Variants in IL21R observed in about 807,000 individuals in gnomAD.
IL21R encodes the protein interleukin-21 receptor.
IL21R carries 14 observed loss-of-function variants against 41.3 expected under a neutral mutation model. The ratio of observed to expected loss-of-function variants is 0.34; its 90% confidence interval spans 0.22 to 0.53. The LOEUF is 0.53. Among genes scored for constraint, IL21R ranks in the 20% least tolerant of loss-of-function variants. The probability of loss-of-function intolerance (pLI) is 0.94; values close to 1 mark genes in which losing one functional copy is unlikely to be tolerated. For synonymous variants in IL21R, 286 were observed against 287.6 expected, an observed-to-expected ratio of 0.99 and a Z score of 0.05; for missense variants, 588 against 681.6, an observed-to-expected ratio of 0.86 and a Z score of 1.53.
chr16:27,431,164 C>A (rs1596583053), intron 2 of IL21R, among the ~76,000 whole-genome samples: 1 of 152,210 alleles, frequency 6.6e-6, no homozygotes, highest in African/African-American at 2.4e-5. Context: ...GGGCATTTTT[C>A]TCTGGTTTTT....
At chr16:27,436,520 G>A (rs1567367678) in intron 3 of IL21R, among the ~76,000 whole-genome samples, 1 of 152,216 alleles carries the variant, frequency 6.6e-6, no homozygotes, top group African/African-American at 2.4e-5. Flanking sequence ...AAATTTGGCA[G>A]AGAACTCAGT....
At chr16:27,441,897 G>A (rs2087394180) in intron 4 of IL21R, among the ~76,000 whole-genome samples, 1 of 152,174 alleles carries the variant, frequency 6.6e-6, no homozygotes, top group Non-Finnish European at 1.5e-5. Context: ...TGTAGTCTCA[G>A]CTACTTGGGA....
chr16:27,447,476 ATTCC>A, intron 8 of IL21R, among the ~76,000 whole-genome samples: 1 of 152,140 alleles, frequency 6.6e-6, no homozygotes, highest in Non-Finnish European at 1.5e-5. Flanking sequence ...GGAGATACCC[ATTCC>A]TGGGGATTTT....
intron 1 of IL21R, among the ~76,000 whole-genome samples, chr16:27,412,925 A>G (rs1329327719): frequency 1.3e-5 from 2 of 152,128 alleles, no homozygotes; most frequent in African/African-American, 4.8e-5. Flanking sequence ...AACAGAGATA[A>G]TTGCATTTCT....
intron 2 of IL21R, 101 bp from the exon 3 acceptor site, chr16:27,434,246 C>A: frequency 1.3e-6 from 1 of 774,422 alleles, no homozygotes; most frequent in Non-Finnish European, 2.2e-6. Flanking sequence ...GCCTGGGGAC[C>A]CCTGCACCCA....
In IL21R at chr16:27,441,988, G is replaced by C. The variant is rs3093360; in HGVS notation, c.353-974G>C. Reference sequence around the variant, plus strand: ...GATCGCACCACTGCACTCCAGCCTGGGCAACACAGTGAGATCCTGTCTCTA... The same window carrying C: ...GATCGCACCACTGCACTCCAGCCTGCGCAACACAGTGAGATCCTGTCTCTA... On this transcript the variant is annotated intron_variant, in intron 4 of 8. Transcript: ENST00000337929. Among the ~76,000 whole-genome samples, 833 of 152,242 alleles carry C rather than the reference G, an allele frequency of 5.5e-3. 12 individuals are homozygous for C. The highest frequency in any genetic ancestry group is 0.019 in the African/African-American group (798 of 41,536).
At chr16:27,426,454 G>A (rs2087079839) in intron 1 of IL21R, among the ~76,000 whole-genome samples, 1 of 152,254 alleles carries the variant, frequency 6.6e-6, no homozygotes, top group South Asian at 2.1e-4. Context: ...CAGTGTGGCT[G>A]CAGGGATACA....
At chr16:27,402,930 T>C (rs1035420601) in intron 1 of IL21R, 1 of 360,522 alleles carries the variant, frequency 2.8e-6, no homozygotes, top group South Asian at 2.2e-5. Flanking sequence ...AAACATAACA[T>C]GTCAATCACC....
rs2141321953 is a variant in IL21R at position 27,449,884 on chromosome 16, A to T, written c.*601A>T. The T allele has an allele frequency of 4.3e-6, 1 of 233,888 alleles. No individual in the cohort carries two copies. Among genetic ancestry groups the T allele is most frequent in the East Asian group, 6.0e-5 (1 of 16,548 alleles). 14.5% of individuals were successfully genotyped at this position (233,888 alleles called of 1,614,324 possible). ...TGGCAATTTTTTGGGCGGCCCCTGG[A>T]CGAAGGTCTGAATCCCGACTCTGAT... is the stretch of plus-strand genomic sequence containing the variant. On this transcript the variant is annotated 3_prime_UTR_variant, in exon 9 of 9. Coordinates refer to ENST00000337929, the MANE Select transcript of IL21R (RefSeq NM_181078.3).
At chr16:27,445,600 A>G (rs947256913) in intron 7 of IL21R, among the ~76,000 whole-genome samples, 1 of 152,204 alleles carries the variant, frequency 6.6e-6, no homozygotes, top group Admixed American at 6.5e-5. Context: ...CAGGGACCTC[A>G]GCTGTGATCT....
chr16:27,426,407 A>G (rs1462091982), intron 1 of IL21R, among the ~76,000 whole-genome samples: 4 of 152,276 alleles, frequency 2.6e-5, no homozygotes, highest in Non-Finnish European at 5.9e-5. Context: ...GAAAACCTCA[A>G]ACGCAATAGG....
Position 27,407,543 on chromosome 16 carries a change from C to T in IL21R, c.-17+4925C>T, listed in dbSNP as rs374246270. 9.8e-5 allele frequency among the ~76,000 whole-genome samples: 15 copies of T among 152,290 alleles called. 1 individual carries two copies. The highest frequency in any genetic ancestry group is 3.9e-4 in the East Asian group (2 of 5,178). Reference sequence around the variant, plus strand: ...ATTGAAGCATTAAAGCTTTTATCCTCGGCCAGGTGCGGTGGCTCATGCCTG... The same window carrying T: ...ATTGAAGCATTAAAGCTTTTATCCTTGGCCAGGTGCGGTGGCTCATGCCTG... On this transcript the variant is annotated intron_variant, in intron 1 of 8. Transcript: ENST00000337929.
chr16:27,440,287 A>AGAGAGAGAGAGC (rs1479585420), intron 4 of IL21R, among the ~76,000 whole-genome samples: 2 of 102,712 alleles, frequency 1.9e-5, no homozygotes, highest in Admixed American at 8.9e-5. Context: ...AGAGCGAGCA[A>AGAGAGAGAGAGC]GCGCGCGCCA....
Position 27,417,163 on chromosome 16 carries a change from C to CTTT in IL21R, c.-16-12879_-16-12877dup, listed in dbSNP as rs577149386. On this transcript the variant is annotated intron_variant, in intron 1 of 8. Coordinates refer to ENST00000337929, the MANE Select transcript of IL21R (RefSeq NM_181078.3). The stretch of plus-strand genomic sequence containing the variant: ...TTCCTTTTTCTTTCTTTTTTCTTTT[C>CTTT]TTTTTTTTTTTTTTTTGAGACAGGG... Among the ~76,000 whole-genome samples the CTTT allele has an allele frequency of 4.9e-3, 626 of 126,588 alleles. 14 individuals are homozygous for CTTT. Among genetic ancestry groups the CTTT allele is most frequent in the African/African-American group, 0.015 (508 of 33,358 alleles). 83.0% of individuals were successfully genotyped at this position (126,588 alleles called of 152,430 possible).
intron 4 of IL21R, among the ~76,000 whole-genome samples, chr16:27,439,656 G>T (rs1035710069): frequency 1.3e-5 from 2 of 151,918 alleles, no homozygotes; most frequent in African/African-American, 4.8e-5. Context: ...GGGCACACAT[G>T]CACACACTCA....
chr16:27,421,782 T>A (rs925510843), intron 1 of IL21R, among the ~76,000 whole-genome samples: 4 of 152,138 alleles, frequency 2.6e-5, no homozygotes, highest in Admixed American at 2.6e-4. Flanking sequence ...TTTAGTTTTG[T>A]ATATACAAGA....
chr16:27,433,125 T>TA (rs1378003477), intron 2 of IL21R, among the ~76,000 whole-genome samples: 2 of 152,192 alleles, frequency 1.3e-5, no homozygotes, highest in African/African-American at 4.8e-5. Flanking sequence ...GGGGTCTTCA[T>TA]TAGTCCAGGG....
At chr16:27,410,501 A>G (rs2086808498) in intron 1 of IL21R, among the ~76,000 whole-genome samples, 1 of 152,190 alleles carries the variant, frequency 6.6e-6, no homozygotes. Flanking sequence ...TTTTAAAGCT[A>G]AAGTTCCAGA....
At position 27,441,321 on chromosome 16, in the gene IL21R, A is replaced by G. The variant is rs550650616; in HGVS notation, c.353-1641A>G. Among the ~76,000 whole-genome samples the G allele has an allele frequency of 8.5e-5, 13 of 152,368 alleles. No homozygotes were observed. In the South Asian group the frequency reaches 2.7e-3, roughly 32 times the overall value. On this transcript the variant is annotated intron_variant, in intron 4 of 8. Coordinates refer to ENST00000337929, the MANE Select transcript of IL21R (RefSeq NM_181078.3). ...AAGAGAGGAATTTAAGGCCCTTAAC[A>G]TATTGTGTTCTGCTCAAGTTCATGA...
Sources: allele counts gnomAD v4.1 joint callset (sites outside exome capture counted in the v4.1 genomes callset), GRCh38; gene constraint gnomAD v4.1.1; transcripts MANE v1.5; gene names NCBI Gene and HGNC (gene_info 2026-07-23, HGNC 2026-07-21).